GARS1: variants seen among roughly 807,000 people sequenced by gnomAD.
GARS1 encodes the protein glycyl-tRNA synthetase 1.
Under a neutral mutation model 86.4 loss-of-function variants are expected in GARS1, and 46 were observed. The ratio of observed to expected loss-of-function variants is 0.53; its 90% CI spans 0.42 to 0.68. GARS1 has a LOEUF of 0.68. Among genes scored for constraint, GARS1 ranks in the 30% least tolerant of loss-of-function variants. The probability of loss-of-function intolerance (pLI) is 0.00; values close to 1 mark genes in which losing one functional copy is unlikely to be tolerated. For missense variants in GARS1, 797 were observed against 915.6 expected, an observed-to-expected ratio of 0.87 and a Z score of 1.67; for synonymous variants, 342 against 329.8, an observed-to-expected ratio of 1.04 and a Z score of -0.40.
chr7:30,616,708 A>G (rs1404948154), intron 9 of GARS1, among the ~76,000 whole-genome samples: 4 of 152,314 alleles, frequency 2.6e-5, no homozygotes, highest in Admixed American at 2.0e-4. Flanking sequence ...GGGGTTCACA[A>G]ATTTCAGTGG....
upstream of GARS1, chr7:30,594,779 A>C (rs999019691): frequency 7.2e-6 from 5 of 691,704 alleles, no homozygotes; most frequent in Non-Finnish European, 1.2e-5. Context: ...TGCGGCGGCG[A>C]CCCGGCGCCG....
intron 5 of GARS1, 147 bp downstream of exon 5, chr7:30,603,269 A>G: frequency 1.3e-6 from 1 of 757,890 alleles, no homozygotes; most frequent in Non-Finnish European, 2.2e-6. Context: ...CAAGTCCTTT[A>G]TTTTTTAAAA....
In GARS1 at chr7:30,599,656, G is replaced by A. The variant is rs140368599; in HGVS notation, c.325-291G>A. Among the ~76,000 whole-genome samples the A allele has an allele frequency of 3.9e-5, 6 of 152,226 alleles. No individual in the cohort carries two copies. The East Asian group carries it at 1.2e-3, about 29-fold the overall frequency. The stretch of plus-strand genomic sequence containing the variant: ...GACCTCAGGTGATCCACCCACTTCG[G>A]CCTCCCAAAGTACTGGGATTACAGG... On this transcript the variant is annotated intron_variant, in intron 2 of 16. Transcript: ENST00000389266.
intron 6 of GARS1, among the ~76,000 whole-genome samples, chr7:30,606,396 A>G (rs189622543): frequency 1.7e-4 from 26 of 152,126 alleles, no homozygotes; most frequent in African/African-American, 5.3e-4. Context: ...TTGTAAAGAA[A>G]GGTGAGAATA....
intron 3 of GARS1, 21 bp downstream of exon 3, chr7:30,600,070 A>G (rs777431202): frequency 1.3e-6 from 2 of 1,530,888 alleles, no homozygotes; most frequent in African/African-American, 2.7e-5. Context: ...AATGACAAAA[A>G]GAACTATTGT....
intron 14 of GARS1, 88 bp downstream of exon 14, chr7:30,628,757 G>C: frequency 2.5e-6 from 2 of 811,176 alleles, no homozygotes; most frequent in South Asian, 2.8e-5. Flanking sequence ...TAAGACTCTA[G>C]AATGGTCAAT....
chr7:30,632,946 G>T lies in GARS1; in HGVS notation c.2094+509G>T, dbSNP rs1190506584. On this transcript the variant is annotated intron_variant, in intron 16 of 16. Coordinates refer to ENST00000389266, the MANE Select transcript of GARS1 (RefSeq NM_002047.4). This position sits in a 1 kb window ranked among gnomAD's most constrained non-coding sequence, Gnocchi z 4.1. ...GATGAGTGGTAAGGGAAAGGAAAGA[G>T]TAGCTGCTTTAATTGACATCTGCCT... Among the ~76,000 whole-genome samples, 1 of 152,230 alleles carries T rather than the reference G, an allele frequency of 6.6e-6. No homozygotes were observed. Among genetic ancestry groups the T allele is most frequent in the Non-Finnish European group, 1.5e-5 (1 of 68,040 alleles).
At chr7:30,608,009 A>G (rs371870959) in intron 6 of GARS1, among the ~76,000 whole-genome samples, 2 of 152,190 alleles carry the variant, frequency 1.3e-5, no homozygotes, top group African/African-American at 4.8e-5. Flanking sequence ...CTCATAGTAT[A>G]TAGAGATTGC....
rs904683528 is a variant in GARS1, at chr7:30,596,143, G to A, written c.222+1000G>A. On this transcript the variant is annotated intron_variant, in intron 1 of 16. Coordinates refer to ENST00000389266, the MANE Select transcript of GARS1 (RefSeq NM_002047.4). ...AACACCAAACGGGTTTCTCCTGCAT[G>A]GGCGCCTGATGCAATAATTTGCCTT... Among the ~76,000 whole-genome samples the A allele has an allele frequency of 1.6e-4, 24 of 152,292 alleles. 1 individual carries two copies. Among genetic ancestry groups the A allele is most frequent in the African/African-American group, 5.8e-4 (24 of 41,564 alleles).
chr7:30,625,046 A>C (rs1175861990), intron 12 of GARS1, among the ~76,000 whole-genome samples: 3 of 151,976 alleles, frequency 2.0e-5, no homozygotes, highest in Non-Finnish European at 4.4e-5. Flanking sequence ...AGGTTCAAGC[A>C]ATTCTCCTGC....
intron 14 of GARS1, 147 bp downstream of exon 14, chr7:30,628,816 A>G (rs1783182016): frequency 3.5e-6 from 2 of 575,904 alleles, no homozygotes; most frequent in Non-Finnish European, 3.2e-6. Context: ...TTGCTTAAGT[A>G]TGTATAGACA....
chr7:30,600,242 C>G (rs992006669), intron 3 of GARS1, among the ~76,000 whole-genome samples, 193 bp downstream of exon 3: 1 of 152,138 alleles, frequency 6.6e-6, no homozygotes, highest in Non-Finnish European at 1.5e-5. Flanking sequence ...GCATTTATTC[C>G]TGGACAGCAC....
chr7:30,603,354 TG>T (rs1210535232), intron 5 of GARS1, 141 bp from the exon 6 acceptor site: 1 of 757,980 alleles, frequency 1.3e-6, no homozygotes, highest in African/African-American at 1.7e-5. Flanking sequence ...ATACCATGAC[TG>T]CTGTTGTAAA....
At chr7:30,610,368 T>TTA (rs1483963383) in intron 7 of GARS1, among the ~76,000 whole-genome samples, 1 of 152,242 alleles carries the variant, frequency 6.6e-6, no homozygotes, top group African/African-American at 2.4e-5. Flanking sequence ...ATTGGAATCT[T>TTA]TATCTTCTGA....
chr7:30,599,310 T>G (rs1791327234), intron 2 of GARS1, among the ~76,000 whole-genome samples: 1 of 152,238 alleles, frequency 6.6e-6, no homozygotes, highest in African/African-American at 2.4e-5. Flanking sequence ...TAAGTTGTTT[T>G]GGGGTTTTAA....
chr7:30,602,976 AAT>A (rs1791410522), intron 4 of GARS1, 56 bp from the exon 5 acceptor site: 2 of 1,098,868 alleles, frequency 1.8e-6, no homozygotes, highest in Non-Finnish European at 2.8e-6. Context: ...CTTATAAGGT[AAT>A]ATCTATGTGT....
intron 16 of GARS1, among the ~76,000 whole-genome samples, chr7:30,633,514 A>G (rs1451043103): frequency 6.6e-6 from 1 of 152,180 alleles, no homozygotes; most frequent in Non-Finnish European, 1.5e-5. Flanking sequence ...ACATGAAGTA[A>G]CTTCAAGGGA....
intron 3 of GARS1, 81 bp from the exon 4 acceptor site, chr7:30,600,978 G>T: frequency 7.9e-7 from 1 of 1,267,630 alleles, no homozygotes; most frequent in South Asian, 1.2e-5. Context: ...GGGAGTATAG[G>T]TATCAGTTTC....
chr7:30,620,212 A>G (rs189450219), intron 10 of GARS1, among the ~76,000 whole-genome samples: 27 of 152,336 alleles, frequency 1.8e-4, no homozygotes, highest in Admixed American at 1.5e-3. Flanking sequence ...TTCTTATTGA[A>G]ATAACGGGTT....
Sources: allele counts gnomAD v4.1 joint callset (sites outside exome capture counted in the v4.1 genomes callset), GRCh38; gene constraint gnomAD v4.1.1; non-coding constraint Gnocchi (gnomAD v3.1); transcripts MANE v1.5; gene names NCBI Gene and HGNC (gene_info 2026-07-23, HGNC 2026-07-21).